Variants in TBC1D16 observed in about 807,000 individuals in gnomAD.
The protein encoded by TBC1D16 is TBC1 domain family member 16, also known as CTD-2529O21.1.
A neutral mutation model predicts 74.7 loss-of-function variants in TBC1D16; 58 were observed. That is an observed-to-expected ratio of 0.78 (90% CI 0.63 to 0.97). TBC1D16 has a LOEUF of 0.97. TBC1D16 is among the 50% of genes least tolerant of loss of function. The pLI is 0.00. For synonymous variants in TBC1D16, 493 were observed against 474.7 expected (o/e 1.04, Z -0.50); for missense variants, 1,014 against 1,079.5 (o/e 0.94, Z 0.85).
intron 3 of TBC1D16, among the ~76,000 whole-genome samples, chr17:79,955,544 C>T (rs560021763): frequency 1.3e-5 from 2 of 152,182 alleles, no homozygotes; most frequent in Non-Finnish European, 2.9e-5. Context: ...ACACGTAAAG[C>T]AATTTAGTTT....
intron 1 of TBC1D16, among the ~76,000 whole-genome samples, chr17:80,023,134 G>A (rs540834486): frequency 6.7e-6 from 1 of 149,980 alleles, no homozygotes; most frequent in Non-Finnish European, 1.5e-5. Flanking sequence ...CTCATCACAG[G>A]CAAGATTTAC....
intron 1 of TBC1D16, among the ~76,000 whole-genome samples, chr17:80,027,021 C>A (rs1355256202): frequency 7.2e-6 from 1 of 138,134 alleles, no homozygotes; most frequent in Non-Finnish European, 1.5e-5. Flanking sequence ...GACAGGCCTG[C>A]AGCAAAGAAC....
At chr17:79,969,430 G>A (rs2033983514) in intron 3 of TBC1D16, among the ~76,000 whole-genome samples, 1 of 152,158 alleles carries the variant, frequency 6.6e-6, no homozygotes. Context: ...ACAACGTTGA[G>A]ATACCACTCC....
chr17:79,969,547 G>A (rs906809653), intron 3 of TBC1D16, among the ~76,000 whole-genome samples: 5 of 152,322 alleles, frequency 3.3e-5, no homozygotes, highest in East Asian at 1.9e-4. Context: ...AATATAAAAT[G>A]GAGCAGCCAA....
In TBC1D16 at chr17:79,954,016, C is replaced by A. The variant is rs144891076; in HGVS notation, c.780-1198G>T. 9.6e-4 allele frequency among the ~76,000 whole-genome samples: 146 copies of A among 152,302 alleles called. No homozygotes were observed. Among genetic ancestry groups the A allele is most frequent in the African/African-American group, 3.5e-3 (145 of 41,560 alleles). The stretch of plus-strand genomic sequence containing the variant: ...ACCTCCTGACCTCAGGTGATCCACC[C>A]GCCTCAGCCTCCAAAAGTGTTGGGA... On this transcript the variant is annotated intron_variant, in intron 3 of 11. Transcript: ENST00000310924. This position sits in a 1 kb window ranked among gnomAD's most constrained non-coding sequence, Gnocchi z 5.5.
intron 1 of TBC1D16, among the ~76,000 whole-genome samples, chr17:80,022,184 A>C (rs986100093): frequency 6.7e-6 from 1 of 149,790 alleles, no homozygotes; most frequent in Non-Finnish European, 1.5e-5. Flanking sequence ...ATTTACCTGA[A>C]AGGGACTCAC....
Position 79,950,999 on chromosome 17 carries a change from A to G in TBC1D16, c.1090-421T>C, listed in dbSNP as rs2143703367. On this transcript the variant is annotated intron_variant, in intron 5 of 11. Transcript: ENST00000310924. The surrounding 1 kb of genome is among the most constrained non-coding windows in gnomAD (Gnocchi z 4.6). ...CCGCGAGCAGTCACGAATCCAGGGC[A>G]AAACTGCAGCTGACATTTAATTCAA... 1 of 668,448 alleles carries G rather than the reference A, an allele frequency of 1.5e-6. No individual in the cohort carries two copies. The highest frequency in any genetic ancestry group is 2.9e-5 in the East Asian group (1 of 34,370). The allele number at this position is 668,448 out of a possible 1,614,324, so 41.4% of individuals were successfully genotyped here.
intron 3 of TBC1D16, among the ~76,000 whole-genome samples, chr17:80,002,147 G>T (rs895453187): frequency 4.6e-5 from 7 of 152,184 alleles, no homozygotes; most frequent in Non-Finnish European, 1.5e-5. Context: ...GCTCCTGCAA[G>T]GATGCTTCCC....
chr17:79,939,853 T>A lies in TBC1D16; in HGVS notation c.*1006A>T, dbSNP rs1305770318. 1 of 152,150 alleles carries A rather than the reference T, an allele frequency of 6.6e-6. No homozygotes were observed. The highest frequency in any genetic ancestry group is 2.4e-5 in the African/African-American group (1 of 41,420). 9.4% of individuals were successfully genotyped at this position (152,150 alleles called of 1,614,324 possible). On this transcript the variant is annotated 3_prime_UTR_variant, in exon 12 of 12. Transcript: ENST00000310924. ...TGAGTTCACAGGTCCTGAAGGGAAG[T>A]GGAAGAGTCTAACTATTTCCAGGTG...
rs1254788148 is a variant in TBC1D16 at position 79,981,624 on chromosome 17, G to C, written c.779+28536C>G. Among the ~76,000 whole-genome samples the C allele has an allele frequency of 6.6e-5, 10 of 152,234 alleles. No individual in the cohort carries two copies. The highest frequency in any genetic ancestry group is 2.2e-4 in the African/African-American group (9 of 41,460). ...TAAGCCATCCTACCAGCAACACTTC[G>C]TTTTCCAAAGCGGGGAGGCCAAACC... is the stretch of plus-strand genomic sequence containing the variant. On this transcript the variant is annotated intron_variant, in intron 3 of 11. Coordinates refer to ENST00000310924, the MANE Select transcript of TBC1D16 (RefSeq NM_019020.4). The surrounding 1 kb of genome is among the most constrained non-coding windows in gnomAD (Gnocchi z 6.9).
intron 3 of TBC1D16, chr17:79,992,427 G>C (rs2035103153): frequency 6.6e-6 from 1 of 152,258 alleles, no homozygotes; most frequent in Non-Finnish European, 1.5e-5. Context: ...GGGGCCAGGG[G>C]GTGGGGTATC....
intron 3 of TBC1D16, among the ~76,000 whole-genome samples, chr17:79,976,170 A>C (rs916733932): frequency 7.9e-5 from 12 of 152,260 alleles, no homozygotes; most frequent in Admixed American, 7.8e-4. Flanking sequence ...ATTACTCTAA[A>C]AGCTTATGCA....
At chr17:79,978,008 C>A (rs1282400694) in intron 3 of TBC1D16, among the ~76,000 whole-genome samples, 3 of 152,244 alleles carry the variant, frequency 2.0e-5, no homozygotes, top group Non-Finnish European at 4.4e-5. Context: ...TAGGCTCAAG[C>A]TGCCATTTCT....
chr17:79,950,875 T>C lies in TBC1D16; in HGVS notation c.1090-297A>G. On this transcript the variant is annotated intron_variant, in intron 5 of 11. Transcript: ENST00000310924. The surrounding 1 kb of genome is among the most constrained non-coding windows in gnomAD (Gnocchi z 4.6). The stretch of plus-strand genomic sequence containing the variant: ...GAATGAATGCCTCGTTCGGCCTAAC[T>C]TCCCTCTGCCGGGAGGGCCTGCAAT... The C allele has an allele frequency of 6.6e-7, 1 of 1,508,694 alleles. No homozygotes were observed. The highest frequency in any genetic ancestry group is 1.2e-5 in the South Asian group (1 of 80,648). 93.5% of individuals were successfully genotyped at this position (1,508,694 alleles called of 1,614,324 possible).
At chr17:79,984,619 G>A (rs866843338) in intron 3 of TBC1D16, among the ~76,000 whole-genome samples, 58 of 102,526 alleles carry the variant, frequency 5.7e-4, no homozygotes, top group African/African-American at 7.8e-4. Flanking sequence ...GAGGGAGGGA[G>A]TGAAGGAAGG....
In TBC1D16 at chr17:80,009,143, C is replaced by T. The variant is rs552028355; in HGVS notation, c.779+1017G>A. Among the ~76,000 whole-genome samples the T allele has an allele frequency of 5.2e-5, 8 of 152,386 alleles. No individual in the cohort carries two copies. Among genetic ancestry groups the T allele is most frequent in the South Asian group, 2.1e-4 (1 of 4,832 alleles). ...TAGCCCACGGTGTCCAGCGCCCAGGCGAGACCCAGACCACCCACGTCCAGC... is the reference window on the plus strand; with the variant it reads ...TAGCCCACGGTGTCCAGCGCCCAGGTGAGACCCAGACCACCCACGTCCAGC... On this transcript the variant is annotated intron_variant, in intron 3 of 11. Transcript: ENST00000310924. This position sits in a 1 kb window ranked among gnomAD's most constrained non-coding sequence, Gnocchi z 5.4.
rs1369006005 is a variant in TBC1D16, at chr17:80,000,813, C to T, written c.779+9347G>A. Among the ~76,000 whole-genome samples the T allele has an allele frequency of 2.0e-5, 3 of 152,240 alleles. No individual in the cohort carries two copies. The highest frequency in any genetic ancestry group is 4.4e-5 in the Non-Finnish European group (3 of 68,042). On this transcript the variant is annotated intron_variant, in intron 3 of 11. Transcript: ENST00000310924. This position sits in a 1 kb window ranked among gnomAD's most constrained non-coding sequence, Gnocchi z 4.1. ...GTTCAACACCGTCCAAGGCCACCCC[C>T]TGCGGGTCTTGAGTGGAGCTTGGAT...
At chr17:80,018,218 T>TCTATAGGA (rs1568642196) in intron 1 of TBC1D16, among the ~76,000 whole-genome samples, 3 of 138,252 alleles carry the variant, frequency 2.2e-5, no homozygotes, top group African/African-American at 1.0e-4. Flanking sequence ...TAATAATTTT[T>TCTATAGGA]AGCATAATAT....
rs140091114 is a variant in TBC1D16, at chr17:79,961,118, T to G, written c.780-8300A>C. Among the ~76,000 whole-genome samples the G allele has an allele frequency of 1.9e-3, 296 of 152,292 alleles. 1 individual carries two copies. Among genetic ancestry groups the G allele is most frequent in the African/African-American group, 6.7e-3 (280 of 41,568 alleles). ...TGGCTAAACAAACAATGGTACATCTTAACAAGGGAATACATACGCCTCAGC... is the reference window on the plus strand; with the variant it reads ...TGGCTAAACAAACAATGGTACATCTGAACAAGGGAATACATACGCCTCAGC... On this transcript the variant is annotated intron_variant, in intron 3 of 11. Transcript: ENST00000310924. This position sits in a 1 kb window ranked among gnomAD's most constrained non-coding sequence, Gnocchi z 4.8.
Sources: gnomAD v4.1 joint callset for allele counts (sites outside exome capture counted in the v4.1 genomes callset) on GRCh38, gnomAD v4.1.1 for gene constraint, Gnocchi (gnomAD v3.1) non-coding constraint, MANE v1.5 for transcripts, NCBI Gene and HGNC (gene_info 2026-07-23, HGNC 2026-07-21) for gene names.